The following LRP12 variants were observed in gnomAD, a reference collection of about 807,000 sequenced individuals.
The protein encoded by LRP12 is LDL receptor related protein 12.
Under a neutral mutation model 66.0 loss-of-function variants are expected in LRP12, and 14 were observed. That is an observed-to-expected ratio of 0.21 (90% CI 0.14 to 0.33). The LOEUF (loss-of-function observed/expected upper bound fraction) is 0.33, where lower values mean the gene tolerates loss of function less well. Among genes scored for constraint, LRP12 ranks in the 10% least tolerant of loss-of-function variants. The pLI, the probability that LRP12 is intolerant of heterozygous loss-of-function variation, is 1.00. For synonymous variants in LRP12, 357 were observed against 359.1 expected (o/e 0.99, Z 0.07); for missense variants, 889 against 1,053.4 (o/e 0.84, Z 2.16).
chr8:104,497,070 G>A lies in LRP12; in HGVS notation c.1482C>T (p.Ile494=). Residue 494 remains isoleucine, a synonymous_variant, in exon 5 of 7, where the codon ATC becomes ATT. Coordinates refer to ENST00000276654, the MANE Select transcript of LRP12 (RefSeq NM_013437.5). This position sits in a 1 kb window ranked among gnomAD's most constrained non-coding sequence, Gnocchi z 4.3. ...TGAGGCTCCCTATGACGGCAGCAGT[G>A]ATGACTCTTGTAGGCACGATTACTG... ...NCPVIVPTRV[I]TAAVIGSLIC... is the part of the protein sequence containing the mutation. The A allele has an allele frequency of 6.2e-7, 1 of 1,612,324 alleles. No individual in the cohort carries two copies. Among genetic ancestry groups the A allele is most frequent in the Non-Finnish European group, 8.5e-7 (1 of 1,178,922 alleles).
intron 1 of LRP12, among the ~76,000 whole-genome samples, chr8:104,540,385 C>G (rs1014282662): frequency 1.3e-5 from 2 of 152,130 alleles, no homozygotes; most frequent in Admixed American, 6.5e-5. Context: ...ACTCATATAC[C>G]TACTTTCCCC....
chr8:104,513,032 A>C (rs1417370739), intron 2 of LRP12, among the ~76,000 whole-genome samples: 1 of 152,206 alleles, frequency 6.6e-6, no homozygotes, highest in Non-Finnish European at 1.5e-5. Context: ...CTGAATTTGG[A>C]ATCTGGCTTC....
intron 3 of LRP12, among the ~76,000 whole-genome samples, chr8:104,500,548 C>G (rs911305885): frequency 6.6e-6 from 1 of 151,916 alleles, no homozygotes; most frequent in Non-Finnish European, 1.5e-5. Flanking sequence ...ACTAAGAATA[C>G]AAAAATTAGC....
intron 1 of LRP12, among the ~76,000 whole-genome samples, chr8:104,574,187 T>C (rs1812125063): frequency 1.3e-5 from 2 of 152,050 alleles, no homozygotes; most frequent in South Asian, 4.1e-4. Flanking sequence ...ATAGTTGTCA[T>C]CTTACATATT....
At chr8:104,548,406 A>G (rs1412640850) in intron 1 of LRP12, among the ~76,000 whole-genome samples, 2 of 101,298 alleles carry the variant, frequency 2.0e-5, no homozygotes, top group Admixed American at 2.9e-4. Context: ...TTATATAAAT[A>G]TATGATATAT....
At chr8:104,493,097 C>A (rs184458937) in intron 6 of LRP12, among the ~76,000 whole-genome samples, 30 of 152,282 alleles carry the variant, frequency 2.0e-4, no homozygotes, top group African/African-American at 6.5e-4. Context: ...GTGAAACTCT[C>A]TATTTAGTTA....
intron 3 of LRP12, among the ~76,000 whole-genome samples, chr8:104,501,142 T>A (rs1810822427): frequency 6.6e-6 from 1 of 152,182 alleles, no homozygotes; most frequent in African/African-American, 2.4e-5. Context: ...ATTATAAACA[T>A]GAGCTTATTC....
At chr8:104,548,275 T>C (rs1480157232) in intron 1 of LRP12, among the ~76,000 whole-genome samples, 1 of 90,440 alleles carries the variant, frequency 1.1e-5, no homozygotes, top group Non-Finnish European at 1.8e-5. Flanking sequence ...TGATATATAT[T>C]ATATTAATAT....
chr8:104,545,308 A>G (rs1446320021), intron 1 of LRP12, among the ~76,000 whole-genome samples: 1 of 152,222 alleles, frequency 6.6e-6, no homozygotes, highest in East Asian at 1.9e-4. Context: ...TGCTGTCAAC[A>G]TTGTTGGAAT....
At chr8:104,560,861 A>C (rs1186811515) in intron 1 of LRP12, among the ~76,000 whole-genome samples, 1 of 152,164 alleles carries the variant, frequency 6.6e-6, no homozygotes, top group East Asian at 1.9e-4. Context: ...CTTAGCCTAG[A>C]GTGATACTCC....
At chr8:104,548,900 T>G (rs1811682659) in intron 1 of LRP12, among the ~76,000 whole-genome samples, 1 of 151,468 alleles carries the variant, frequency 6.6e-6, no homozygotes, top group Admixed American at 6.6e-5. Context: ...ACTGCGCCAT[T>G]GCACTCCAGC....
At chr8:104,549,639 T>A (rs181983541) in intron 1 of LRP12, among the ~76,000 whole-genome samples, 1 of 152,116 alleles carries the variant, frequency 6.6e-6, no homozygotes, top group Non-Finnish European at 1.5e-5. Flanking sequence ...CCTGACCTCA[T>A]GATCCGCCCG....
intron 2 of LRP12, among the ~76,000 whole-genome samples, chr8:104,527,599 G>C (rs958497964): frequency 6.6e-6 from 1 of 151,756 alleles, no homozygotes; most frequent in African/African-American, 2.4e-5. Context: ...ACCAAACACC[G>C]CATGTTCTCA....
chr8:104,524,218 G>A (rs1376645703), intron 2 of LRP12, among the ~76,000 whole-genome samples: 1 of 146,180 alleles, frequency 6.8e-6, no homozygotes, highest in Non-Finnish European at 1.5e-5. Context: ...CTCCAGCCTG[G>A]GTGACAAAGT....
At position 104,497,687 on chromosome 8, in the gene LRP12, T is replaced by C. The variant is rs752119029; in HGVS notation, c.865A>G (p.Ile289Val). 3.7e-6 allele frequency: 6 copies of C among 1,614,016 alleles called. No homozygotes were observed. The East Asian group carries it at 1.1e-4, about 30-fold the overall frequency. ...ACTTTACGGTGATCACCAGTGTCTA[T>C]TAACCAGGTGCAATTGCTTCCAGGA... ...YPPGSNCTWLIDTGDHRKVIL... is the reference protein window; with the variant it reads ...YPPGSNCTWLVDTGDHRKVIL... Residue 289 changes from isoleucine (I) to valine (V), a missense_variant, in exon 5 of 7, where the codon ATA becomes GTA. Physicochemically the swap from Ile to Val is conservative, Grantham distance 29. Around this residue, in one of 3 missense-constraint regions of LRP12, gnomAD observed 800 missense variants for 964.5 expected, o/e 0.83. Transcript: ENST00000276654. This position sits in a 1 kb window ranked among gnomAD's most constrained non-coding sequence, Gnocchi z 4.3.
intron 5 of LRP12, 104 bp from the exon 6 acceptor site, chr8:104,495,313 A>G (rs1588481382): frequency 8.7e-7 from 1 of 1,155,458 alleles, no homozygotes; most frequent in African/African-American, 1.5e-5. Context: ...GGCATATTTG[A>G]TCATTTTAAA....
At chr8:104,541,204 T>G (rs1811471699) in intron 1 of LRP12, among the ~76,000 whole-genome samples, 1 of 152,220 alleles carries the variant, frequency 6.6e-6, no homozygotes, top group African/African-American at 2.4e-5. Flanking sequence ...ATGCTCCTAG[T>G]ATTCAGAGAA....
At chr8:104,579,572 G>T (rs1038692814) in intron 1 of LRP12, among the ~76,000 whole-genome samples, 1 of 151,972 alleles carries the variant, frequency 6.6e-6, no homozygotes, top group African/African-American at 2.4e-5. Flanking sequence ...AGAACTAGAA[G>T]AAACTATTTT....
At chr8:104,534,567 A>T (rs1196227252) in intron 1 of LRP12, among the ~76,000 whole-genome samples, 1 of 152,076 alleles carries the variant, frequency 6.6e-6, no homozygotes, top group Admixed American at 6.6e-5. Context: ...TTAAAATTTC[A>T]TTAAAGTATT....
Sources: allele counts gnomAD v4.1 joint callset (sites outside exome capture counted in the v4.1 genomes callset), GRCh38; gene constraint gnomAD v4.1.1; regional missense constraint gnomAD v4.1.1; non-coding constraint Gnocchi (gnomAD v3.1); transcripts MANE v1.5; gene names NCBI Gene and HGNC (gene_info 2026-07-23, HGNC 2026-07-21).